SYT16: variants seen among roughly 807,000 people sequenced by gnomAD.
SYT16 encodes the protein synaptotagmin 16.
In SYT16, 42 loss-of-function variants were observed where a neutral mutation model predicts 61.4. The ratio of observed to expected loss-of-function variants is 0.68; its 90% CI spans 0.53 to 0.89. SYT16 has a LOEUF of 0.89. Ranked by LOEUF, SYT16 falls within the 40% of genes least tolerant of loss-of-function variation. The pLI, the probability that SYT16 is intolerant of heterozygous loss-of-function variation, is 0.00. For missense variants in SYT16, 804 were observed against 807.3 expected (o/e 1.00, Z 0.05); for synonymous variants, 314 against 302.3 (o/e 1.04, Z -0.40).
intron 1 of SYT16, among the ~76,000 whole-genome samples, chr14:61,887,900 G>A (rs930527846): frequency 6.6e-6 from 1 of 152,176 alleles, no homozygotes; most frequent in African/African-American, 2.4e-5. Context: ...CACTGAAGTA[G>A]CAATTTTAGT....
chr14:61,977,417 C>T (rs1595064866), intron 2 of SYT16, among the ~76,000 whole-genome samples: 2 of 152,158 alleles, frequency 1.3e-5, no homozygotes, highest in East Asian at 3.9e-4. Flanking sequence ...GCTGGAGAGA[C>T]CTCAGGAAAC....
intron 3 of SYT16, among the ~76,000 whole-genome samples, chr14:62,038,189 T>C (rs1250411731): frequency 1.3e-5 from 2 of 151,678 alleles, no homozygotes; most frequent in Non-Finnish European, 2.9e-5. Context: ...TGGATTTTGC[T>C]GCTGCTAGAG....
At chr14:62,001,978 C>A (rs1387762826) in intron 3 of SYT16, among the ~76,000 whole-genome samples, 1 of 152,052 alleles carries the variant, frequency 6.6e-6, no homozygotes, top group Non-Finnish European at 1.5e-5. Flanking sequence ...TACATTCCCC[C>A]CTTTTCATTA....
At chr14:62,039,047 A>C (rs1024463878) in intron 3 of SYT16, among the ~76,000 whole-genome samples, 20 of 152,262 alleles carry the variant, frequency 1.3e-4, no homozygotes, top group Non-Finnish European at 2.6e-4. Context: ...GGCAAGTCAC[A>C]CAGCTAACAA....
chr14:61,933,425 T>C (rs2049854673), intron 1 of SYT16, among the ~76,000 whole-genome samples: 1 of 152,228 alleles, frequency 6.6e-6, no homozygotes, highest in Non-Finnish European at 1.5e-5. Context: ...GCCTCTACCC[T>C]ATACTCATCC....
intron 1 of SYT16, among the ~76,000 whole-genome samples, chr14:61,906,623 T>G (rs2048719908): frequency 6.6e-6 from 1 of 152,312 alleles, no homozygotes; most frequent in South Asian, 2.1e-4. Flanking sequence ...CAGTTTTAGT[T>G]TCTTCTTGCT....
rs1156345351 is a variant in SYT16 at position 62,111,441 on chromosome 14, A to G, written c.*10734A>G. ...TGTAAACATGTACTTTTTCTATTCT[A>G]TGCTTACTTTAATACATTATTTATA... On this transcript the variant is annotated 3_prime_UTR_variant, in exon 8 of 8. Coordinates refer to ENST00000683842, the MANE Select transcript of SYT16 (RefSeq NM_001367656.1). 6.6e-6 allele frequency: 1 copy of G among 151,864 alleles called. No homozygotes were observed. Among genetic ancestry groups the G allele is most frequent in the African/African-American group, 2.4e-5 (1 of 41,278 alleles). 9.4% of individuals were successfully genotyped at this position (151,864 alleles called of 1,614,324 possible).
In SYT16 at chr14:62,106,180, A is replaced by T. The variant is rs2057509720; in HGVS notation, c.*5473A>T. ...CTAGTACTATGCTATCTGGGCTGGC[A>T]CAGAACTTAAAATCTCTTTGGAGTG... On this transcript the variant is annotated 3_prime_UTR_variant, in exon 8 of 8. Transcript: ENST00000683842. 6.6e-6 allele frequency: 1 copy of T among 152,258 alleles called. No homozygotes were observed. The allele number at this position is 152,258 out of a possible 1,614,324, so 9.4% of individuals were successfully genotyped here.
At chr14:61,857,736 T>C (rs2046820902) in intron 1 of SYT16, among the ~76,000 whole-genome samples, 2 of 152,044 alleles carry the variant, frequency 1.3e-5, no homozygotes, top group Admixed American at 6.6e-5. Context: ...AGAGAAAGAA[T>C]TGATGGAACA....
intron 3 of SYT16, among the ~76,000 whole-genome samples, chr14:62,047,325 G>A (rs577990774): frequency 1.3e-5 from 2 of 152,294 alleles, no homozygotes; most frequent in Admixed American, 1.3e-4. Flanking sequence ...CATTGATTTT[G>A]TATCCTGAGA....
chr14:61,900,142 A>G (rs541023043), intron 1 of SYT16, among the ~76,000 whole-genome samples: 36 of 145,412 alleles, frequency 2.5e-4, no homozygotes, highest in Non-Finnish European at 7.4e-5. Context: ...GGCAGTAAGC[A>G]TCCTCTAAAT....
At chr14:61,838,026 T>C (rs914455984) in intron 1 of SYT16, among the ~76,000 whole-genome samples, 3 of 152,204 alleles carry the variant, frequency 2.0e-5, no homozygotes, top group Non-Finnish European at 4.4e-5. Context: ...TCTTGACATA[T>C]TAGATAATGT....
chr14:62,059,275 A>C (rs897459524), intron 3 of SYT16, among the ~76,000 whole-genome samples: 3 of 152,074 alleles, frequency 2.0e-5, no homozygotes, highest in Non-Finnish European at 4.4e-5. Flanking sequence ...TCGGTATCTC[A>C]TGTGATTTTA....
rs982331423 is a variant in SYT16 at position 62,088,707 on chromosome 14, A to T, written c.1624+4322A>T. Among the ~76,000 whole-genome samples the T allele has an allele frequency of 2.6e-5, 4 of 152,324 alleles. No homozygotes were observed. The East Asian group carries it at 7.7e-4, about 29-fold the overall frequency. ...GCATTGAAGAGCAACAATGGCTACAATTAAAATGGATTAATGGATGAATAG... is the reference window on the plus strand; with the variant it reads ...GCATTGAAGAGCAACAATGGCTACATTTAAAATGGATTAATGGATGAATAG... On this transcript the variant is annotated intron_variant, in intron 7 of 7. Transcript: ENST00000683842.
chr14:61,863,483 T>C (rs1303572807), intron 1 of SYT16, among the ~76,000 whole-genome samples: 3 of 152,266 alleles, frequency 2.0e-5, no homozygotes, highest in Admixed American at 6.5e-5. Flanking sequence ...CTGTTGAATT[T>C]TAAGAGTTCT....
intron 1 of SYT16, among the ~76,000 whole-genome samples, chr14:61,889,321 AG>A (rs2048032170): frequency 6.6e-6 from 1 of 152,204 alleles, no homozygotes; most frequent in Non-Finnish European, 1.5e-5. Flanking sequence ...AAGATACTGG[AG>A]GGTGGTCAGA....
chr14:62,011,551 A>G (rs1034521162), intron 3 of SYT16, among the ~76,000 whole-genome samples: 1 of 152,106 alleles, frequency 6.6e-6, no homozygotes, highest in African/African-American at 2.4e-5. Flanking sequence ...GTCACCTGCT[A>G]CTTCTGGTGT....
Position 62,112,499 on chromosome 14 carries a change from G to A in SYT16, c.*11792G>A, listed in dbSNP as rs1433160230. ...GAAAACTGAAAATCATTCCAATTTT[G>A]TAAAACTGCTGCTACTGGTTTTATC... On this transcript the variant is annotated 3_prime_UTR_variant, in exon 8 of 8. Coordinates refer to ENST00000683842, the MANE Select transcript of SYT16 (RefSeq NM_001367656.1). 1 of 152,040 alleles carries A rather than the reference G, an allele frequency of 6.6e-6. No homozygotes were observed. The highest frequency in any genetic ancestry group is 2.4e-5 in the African/African-American group (1 of 41,412). 9.4% of individuals were successfully genotyped at this position (152,040 alleles called of 1,614,324 possible). A position where few individuals can be genotyped will look rare whatever the true frequency, so the allele number is the denominator to read the frequency against.
At chr14:62,075,000 A>T (rs1403020192) in intron 4 of SYT16, 135 bp from the exon 5 acceptor site, 1 of 914,318 alleles carries the variant, frequency 1.1e-6, no homozygotes, top group Admixed American at 2.8e-5. Context: ...GGATAGAATT[A>T]TGTTTCTGCA....
Sources: gnomAD v4.1 joint callset for allele counts (sites outside exome capture counted in the v4.1 genomes callset) on GRCh38, gnomAD v4.1.1 for gene constraint, MANE v1.5 for transcripts, NCBI Gene and HGNC (gene_info 2026-07-23, HGNC 2026-07-21) for gene names.